Variants in GRIK1 observed in about 807,000 individuals in gnomAD.
GRIK1 encodes the protein glutamate ionotropic receptor kainate type subunit 1.
GRIK1 carries 69 observed loss-of-function variants against 105.7 expected under a neutral mutation model. The observed-to-expected ratio is 0.65, with a 90% CI of 0.54 to 0.80. GRIK1 has a LOEUF of 0.80. GRIK1 is among the 30% of genes least tolerant of loss of function. The pLI, the probability that GRIK1 is intolerant of heterozygous loss-of-function variation, is 0.00. For missense variants in GRIK1, 1,109 were observed against 1,167.3 expected (o/e 0.95, Z 0.73); for synonymous variants, 438 against 431.3 (o/e 1.02, Z -0.19).
intron 7 of GRIK1, among the ~76,000 whole-genome samples, chr21:29,641,306 G>C (rs890319897): frequency 2.0e-5 from 3 of 152,116 alleles, no homozygotes; most frequent in South Asian, 2.1e-4. Context: ...TGCTGTTCTC[G>C]TGATAGCGAA....
At chr21:29,775,411 G>A (rs182131160) in intron 1 of GRIK1, among the ~76,000 whole-genome samples, 2 of 152,172 alleles carry the variant, frequency 1.3e-5, no homozygotes, top group African/African-American at 4.8e-5. Context: ...GTACAGAGAA[G>A]CACCTTTCTC....
At chr21:29,784,042 C>G (rs1272576263) in intron 1 of GRIK1, among the ~76,000 whole-genome samples, 1 of 152,176 alleles carries the variant, frequency 6.6e-6, no homozygotes, top group Non-Finnish European at 1.5e-5. Context: ...ACGCCATTCT[C>G]CTGCCTCAGC....
At chr21:29,927,182 G>C (rs1408334147) in intron 1 of GRIK1, among the ~76,000 whole-genome samples, 2 of 151,942 alleles carry the variant, frequency 1.3e-5, no homozygotes, top group African/African-American at 4.8e-5. Context: ...TGTATGATTT[G>C]TCTCCAGGTA....
intron 3 of GRIK1, among the ~76,000 whole-genome samples, chr21:29,675,564 T>C (rs960644330): frequency 1.3e-5 from 2 of 152,216 alleles, no homozygotes; most frequent in African/African-American, 2.4e-5. Context: ...ATATATTTTC[T>C]CACTTCTTTC....
intron 7 of GRIK1, among the ~76,000 whole-genome samples, chr21:29,621,332 A>T (rs1309286314): frequency 6.6e-6 from 1 of 152,150 alleles, no homozygotes; most frequent in Non-Finnish European, 1.5e-5. Flanking sequence ...CAAATGTGGC[A>T]CCTGACAGAA....
chr21:29,916,871 C>A (rs1378897380), intron 1 of GRIK1, among the ~76,000 whole-genome samples: 1 of 151,942 alleles, frequency 6.6e-6, no homozygotes, highest in East Asian at 1.9e-4. Context: ...TCTGTATTCA[C>A]AGAGATTTGT....
chr21:29,667,019 A>C (rs1025488717), intron 4 of GRIK1, among the ~76,000 whole-genome samples: 1 of 152,230 alleles, frequency 6.6e-6, no homozygotes, highest in Admixed American at 6.5e-5. Flanking sequence ...GATGCATTTA[A>C]GCTGCTTAGC....
Position 29,588,962 on chromosome 21 carries a change from C to G in GRIK1, c.1446G>C (p.Leu482=), listed in dbSNP as rs1778338402. Residue 482 remains leucine, a synonymous_variant, in exon 11 of 18, where the codon CTG becomes CTC. Coordinates refer to ENST00000327783, the MANE Select transcript of GRIK1 (RefSeq NM_001330994.2). Reference sequence around the variant, plus strand: ...CCAGGATGTTTGACAATTCTTTCAACAGGTCTAGGCAATATCCTTCAAATC... The same window carrying G: ...CCAGGATGTTTGACAATTCTTTCAAGAGGTCTAGGCAATATCCTTCAAATC... ...NDRFEGYCLD[L]LKELSNILGF... The G allele has an allele frequency of 6.2e-7, 1 of 1,601,426 alleles. No homozygotes were observed. The highest frequency in any genetic ancestry group is 1.7e-5 in the Admixed American group (1 of 59,994).
At position 29,700,774 on chromosome 21, in the gene GRIK1, T is replaced by C. The variant is rs752846916; in HGVS notation, c.119-6711A>G. Reference sequence around the variant, plus strand: ...CTGCTGCCTACTGATTCCATCTGTCTCTAGATTAAGCCTGTGCTGAGAGAT... The same window carrying C: ...CTGCTGCCTACTGATTCCATCTGTCCCTAGATTAAGCCTGTGCTGAGAGAT... On this transcript the variant is annotated intron_variant, in intron 1 of 17. Transcript: ENST00000327783. Among the ~76,000 whole-genome samples, 5 of 152,288 alleles carry C rather than the reference T, an allele frequency of 3.3e-5. No individual in the cohort carries two copies. The South Asian group carries it at 6.2e-4, about 19-fold the overall frequency.
chr21:29,823,912 A>G (rs544330405), intron 1 of GRIK1, among the ~76,000 whole-genome samples: 1 of 152,100 alleles, frequency 6.6e-6, no homozygotes, highest in South Asian at 2.1e-4. Flanking sequence ...ACTTTGGAAT[A>G]AAGTAGTATT....
chr21:29,581,243 G>A (rs540101554), intron 13 of GRIK1, among the ~76,000 whole-genome samples, 182 bp downstream of exon 13: 1 of 152,218 alleles, frequency 6.6e-6, no homozygotes, highest in South Asian at 2.1e-4. Context: ...TAGCAAGGGA[G>A]TTCCATATAG....
intron 1 of GRIK1, among the ~76,000 whole-genome samples, chr21:29,872,185 C>G (rs2069038054): frequency 1.4e-5 from 2 of 145,718 alleles, no homozygotes; most frequent in Admixed American, 1.4e-4. Context: ...TATGCACGCT[C>G]TCACTTCTTT....
At position 29,730,311 on chromosome 21, in the gene GRIK1, G is replaced by C. The variant is rs562884917; in HGVS notation, c.119-36248C>G. ...TTTTATCTGTTGAATTCCCTTCTGA[G>C]AGGTAGGTATTTTAGAATATGCATG... On this transcript the variant is annotated intron_variant, in intron 1 of 17. Transcript: ENST00000327783. Among the ~76,000 whole-genome samples, 3 of 152,248 alleles carry C rather than the reference G, an allele frequency of 2.0e-5. No homozygotes were observed. The South Asian group carries it at 6.2e-4, about 32-fold the overall frequency.
chr21:29,601,617 C>T (rs2061520550), intron 7 of GRIK1, among the ~76,000 whole-genome samples: 2 of 152,222 alleles, frequency 1.3e-5, no homozygotes, highest in African/African-American at 4.8e-5. Flanking sequence ...TCTCCATCTC[C>T]TATCCAGCCT....
chr21:29,672,132 A>G (rs1417579125), intron 4 of GRIK1, among the ~76,000 whole-genome samples: 1 of 144,236 alleles, frequency 6.9e-6, no homozygotes, highest in Non-Finnish European at 1.5e-5. Flanking sequence ...ATCTCGTCTC[A>G]CTGCAACCTC....
intron 1 of GRIK1, among the ~76,000 whole-genome samples, chr21:29,769,839 G>C (rs919152132): frequency 6.6e-6 from 1 of 152,092 alleles, no homozygotes; most frequent in Non-Finnish European, 1.5e-5. Context: ...CAGCCTTCTA[G>C]CCTTCAAAAC....
In GRIK1 at chr21:29,596,072, G is replaced by T. The variant is rs371449466; in HGVS notation, c.1251+454C>A. 1.6e-4 allele frequency: 41 copies of T among 262,520 alleles called. No homozygotes were observed. The East Asian group carries it at 4.1e-3, about 26-fold the overall frequency. 16.3% of individuals were successfully genotyped at this position (262,520 alleles called of 1,614,324 possible). On this transcript the variant is annotated intron_variant, in intron 9 of 17. Coordinates refer to ENST00000327783, the MANE Select transcript of GRIK1 (RefSeq NM_001330994.2). Reference sequence around the variant, plus strand: ...AATTTCTGAAAATGGTTCATATTTTGTGGTGGTGACATTACAGGAGGTGTC... The same window carrying T: ...AATTTCTGAAAATGGTTCATATTTTTTGGTGGTGACATTACAGGAGGTGTC...
chr21:29,682,533 C>T (rs1244647326), intron 3 of GRIK1, among the ~76,000 whole-genome samples: 3 of 152,064 alleles, frequency 2.0e-5, no homozygotes, highest in African/African-American at 7.2e-5. Flanking sequence ...AAGGTATTAT[C>T]CTTCTCCCTA....
chr21:29,573,743 G>A (rs2090813926), intron 14 of GRIK1, among the ~76,000 whole-genome samples: 1 of 152,032 alleles, frequency 6.6e-6, no homozygotes, highest in South Asian at 2.1e-4. Context: ...CAGCTACTCG[G>A]GGGGCTGAGG....
Sources: gnomAD v4.1 joint callset for allele counts (sites outside exome capture counted in the v4.1 genomes callset) on GRCh38, gnomAD v4.1.1 for gene constraint, MANE v1.5 for transcripts, NCBI Gene and HGNC (gene_info 2026-07-23, HGNC 2026-07-21) for gene names.